The following HIVEP3 variants were observed in gnomAD, a reference collection of about 807,000 sequenced individuals.
HIVEP3 encodes the protein transcription factor HIVEP3.
Under a neutral mutation model 152.8 loss-of-function variants are expected in HIVEP3, and 49 were observed. The ratio of observed to expected loss-of-function variants is 0.32; its 90% CI spans 0.26 to 0.41. HIVEP3 has a LOEUF of 0.41. Ranked by LOEUF, HIVEP3 falls within the 10% of genes least tolerant of loss-of-function variation. The pLI, the probability that HIVEP3 is intolerant of heterozygous loss-of-function variation, is 1.00. For synonymous variants in HIVEP3, 1,269 were observed against 1,289.0 expected (o/e 0.98, Z 0.33); for missense variants, 2,790 against 3,103.3 (o/e 0.90, Z 2.40).
chr1:41,786,740 A>G (rs911533787), intron 1 of HIVEP3, among the ~76,000 whole-genome samples: 5 of 150,064 alleles, frequency 3.3e-5, no homozygotes, highest in East Asian at 2.0e-4. Flanking sequence ...TAAGCTACAC[A>G]TGTAATTTTC....
chr1:41,749,288 C>T (rs1647120014), intron 1 of HIVEP3, among the ~76,000 whole-genome samples: 1 of 152,094 alleles, frequency 6.6e-6, no homozygotes, highest in Admixed American at 6.6e-5. Context: ...CCCATGAGCC[C>T]CTCTCACTTC....
chr1:41,981,337 C>T (rs1645292406), intron 1 of HIVEP3, among the ~76,000 whole-genome samples: 1 of 152,208 alleles, frequency 6.6e-6, no homozygotes, highest in Non-Finnish European at 1.5e-5. Flanking sequence ...AAGGACTCTG[C>T]CTTCATCCCC....
chr1:41,534,111 C>A (rs1395264148), intron 5 of HIVEP3, among the ~76,000 whole-genome samples: 1 of 152,192 alleles, frequency 6.6e-6, no homozygotes, highest in Admixed American at 6.5e-5. Context: ...TCCCCACCAG[C>A]CCTGGCCACC....
chr1:41,864,910 G>A (rs955171963), intron 1 of HIVEP3, among the ~76,000 whole-genome samples: 1 of 152,356 alleles, frequency 6.6e-6, no homozygotes, highest in Admixed American at 6.5e-5. Context: ...TTGATAAGCA[G>A]ATTCTCTTCA....
intron 1 of HIVEP3, among the ~76,000 whole-genome samples, chr1:42,026,151 G>A (rs1388058805): frequency 6.6e-6 from 1 of 151,894 alleles, no homozygotes; most frequent in Non-Finnish European, 1.5e-5. Context: ...ACCCTGCTCA[G>A]TACCAGGGCA....
Position 41,584,305 on chromosome 1 carries a change from C to G in HIVEP3, c.493G>C (p.Val165Leu). The G allele has an allele frequency of 1.2e-6, 2 of 1,613,700 alleles. No homozygotes were observed. The highest frequency in any genetic ancestry group is 1.7e-6 in the Non-Finnish European group (2 of 1,179,824). ...EDLPGVPKVF[V>L]PRPSQVSLKP... ...AAGGAGACCTGGGAAGGACGAGGCA[C>G]GAAGACTTTGGGGACTCCAGGAAGG... The change falls in exon 4 of 9, where the codon GTG becomes CTG. Residue 165 changes from valine (V) to leucine (L), a missense_variant. This residue lies in a region of HIVEP3 where 209 missense variants were observed against 237.0 expected (regional missense o/e 0.88). Coordinates refer to ENST00000372583, the MANE Select transcript of HIVEP3 (RefSeq NM_024503.5). This position sits in a 1 kb window ranked among gnomAD's most constrained non-coding sequence, Gnocchi z 5.2.
At chr1:41,923,771 C>G (rs190294000), upstream of HIVEP3, among the ~76,000 whole-genome samples, 1 of 152,240 alleles carries the variant, frequency 6.6e-6, no homozygotes, top group East Asian at 1.9e-4. Flanking sequence ...TAAATATATA[C>G]AAGTGTTATC....
At chr1:41,850,033 TA>T (rs1281305322) in intron 1 of HIVEP3, among the ~76,000 whole-genome samples, 1 of 152,220 alleles carries the variant, frequency 6.6e-6, no homozygotes, top group Non-Finnish European at 1.5e-5. Context: ...TAGTGGTTCC[TA>T]AACTTTAGCA....
At chr1:41,770,658 C>A (rs2124264636) in intron 1 of HIVEP3, among the ~76,000 whole-genome samples, 1 of 152,170 alleles carries the variant, frequency 6.6e-6, no homozygotes, top group African/African-American at 2.4e-5. Flanking sequence ...TTACGCAAAC[C>A]CAAGGTGAGG....
chr1:41,900,752 G>T (rs1280208302), intron 1 of HIVEP3, among the ~76,000 whole-genome samples: 1 of 152,162 alleles, frequency 6.6e-6, no homozygotes, highest in East Asian at 1.9e-4. Flanking sequence ...CAGGAAAAAG[G>T]AAATGTGTGT....
At chr1:41,757,199 T>C (rs1224103313) in intron 1 of HIVEP3, among the ~76,000 whole-genome samples, 1 of 151,402 alleles carries the variant, frequency 6.6e-6, no homozygotes, top group African/African-American at 2.4e-5. Context: ...CACTGCAAGC[T>C]CTGCCTCCCA....
At chr1:41,734,376 C>T (rs1441476012) in intron 1 of HIVEP3, among the ~76,000 whole-genome samples, 1 of 152,166 alleles carries the variant, frequency 6.6e-6, no homozygotes, top group Non-Finnish European at 1.5e-5. Flanking sequence ...AGCGTTTGGC[C>T]CAGGGAAGGC....
intron 5 of HIVEP3, among the ~76,000 whole-genome samples, chr1:41,563,989 C>A (rs868734515): frequency 6.6e-6 from 1 of 152,076 alleles, no homozygotes; most frequent in African/African-American, 2.4e-5. Flanking sequence ...GTCTGGAGAT[C>A]GAAACCAGCC....
intron 1 of HIVEP3, among the ~76,000 whole-genome samples, chr1:41,867,572 T>C (rs748018275): frequency 2.6e-5 from 4 of 152,192 alleles, no homozygotes; most frequent in Non-Finnish European, 5.9e-5. Context: ...GCCTTCTTGC[T>C]GCAGGCATTT....
intron 1 of HIVEP3, among the ~76,000 whole-genome samples, chr1:41,824,997 C>A (rs925548480): frequency 6.6e-6 from 1 of 151,736 alleles, no homozygotes; most frequent in Non-Finnish European, 1.5e-5. Context: ...CTTGGCCTCC[C>A]GAGTAGATGG....
chr1:41,751,323 C>CTTTT (rs1426877286), intron 1 of HIVEP3, among the ~76,000 whole-genome samples: 2 of 25,460 alleles, frequency 7.9e-5, no homozygotes, highest in African/African-American at 1.0e-4. Flanking sequence ...AACTGACACA[C>CTTTT]ATTTTTTTTT....
At chr1:41,761,137 C>A (rs1647648192) in intron 1 of HIVEP3, among the ~76,000 whole-genome samples, 1 of 152,224 alleles carries the variant, frequency 6.6e-6, no homozygotes, top group African/African-American at 2.4e-5. Flanking sequence ...GGGTTCTAAC[C>A]AAGAGCAGTC....
intron 1 of HIVEP3, among the ~76,000 whole-genome samples, chr1:41,978,970 G>T (rs981980161): frequency 2.6e-5 from 4 of 152,132 alleles, no homozygotes; most frequent in African/African-American, 9.7e-5. Flanking sequence ...AACAGAGTCT[G>T]GGATGCAGGC....
intron 5 of HIVEP3, among the ~76,000 whole-genome samples, chr1:41,539,248 G>A (rs529376670): frequency 4.6e-5 from 7 of 152,084 alleles, no homozygotes; most frequent in East Asian, 1.9e-4. Flanking sequence ...CAGCTCCTGC[G>A]ACTTCTGGGC....
Sources: gnomAD v4.1 joint callset for allele counts (sites outside exome capture counted in the v4.1 genomes callset) on GRCh38, gnomAD v4.1.1 for gene constraint, gnomAD v4.1.1 regional missense constraint, Gnocchi (gnomAD v3.1) non-coding constraint, MANE v1.5 for transcripts, NCBI Gene and HGNC (gene_info 2026-07-23, HGNC 2026-07-21) for gene names.